Variants in TSPAN32 observed in about 807,000 individuals in gnomAD.
TSPAN32 encodes the protein tetraspanin 32, also known as tetraspanin-32.
Under a neutral mutation model 42.7 loss-of-function variants are expected in TSPAN32, and 47 were observed. The ratio of observed to expected loss-of-function variants is 1.10; its 90% CI spans 0.87 to 1.40. TSPAN32 has a LOEUF of 1.40. Among genes scored for constraint, TSPAN32 ranks in the 40% most tolerant of loss-of-function variants. The probability of loss-of-function intolerance (pLI) is 0.00; values close to 1 mark genes in which losing one functional copy is unlikely to be tolerated. For missense variants in TSPAN32, 469 were observed against 424.1 expected (o/e 1.11, Z -0.93); for synonymous variants, 175 against 175.9 (o/e 0.99, Z 0.04).
chr11:2,317,997 T>A lies in TSPAN32; in HGVS notation c.*73T>A, dbSNP rs1213584225. 25 of 723,718 alleles carry A rather than the reference T, an allele frequency of 3.5e-5. No individual in the cohort carries two copies. The highest frequency in any genetic ancestry group is 5.0e-5 in the Non-Finnish European group (20 of 398,984). 44.8% of individuals were successfully genotyped at this position (723,718 alleles called of 1,614,324 possible). ...CATCTGCCTCCAGGACCATTCAGGC[T>A]GTTGACAAGTCAACTCCTCATGGCT... On this transcript the variant is annotated 3_prime_UTR_variant, in exon 10 of 10. Coordinates refer to ENST00000182290, the MANE Select transcript of TSPAN32 (RefSeq NM_139022.3). The surrounding 1 kb of genome is among the most constrained non-coding windows in gnomAD (Gnocchi z 6.2).
chr11:2,302,754 G>A, intron 1 of TSPAN32, 90 bp from the exon 2 acceptor site: 1 of 1,045,420 alleles, frequency 9.6e-7, no homozygotes, highest in Middle Eastern at 2.1e-4. Flanking sequence ...CCGGGAAGCT[G>A]GAGAGAGCCC....
At chr11:2,316,055 C>G in intron 6 of TSPAN32, 174 bp from the exon 7 acceptor site, 1 of 1,534,210 alleles carries the variant, frequency 6.5e-7, no homozygotes, top group Non-Finnish European at 8.7e-7. Flanking sequence ...TTCACCTGCT[C>G]GTGCTGCCTT....
In TSPAN32 at chr11:2,302,094, G is replaced by A. The variant is rs762904620; in HGVS notation, c.-56G>A. 1.3e-6 allele frequency: 2 copies of A among 1,487,336 alleles called. No individual in the cohort carries two copies. Among genetic ancestry groups the A allele is most frequent in the South Asian group, 1.4e-5 (1 of 69,850 alleles). The allele number at this position is 1,487,336 out of a possible 1,614,324, so 92.1% of individuals were successfully genotyped here. On this transcript the variant is annotated 5_prime_UTR_variant, in exon 1 of 10. Coordinates refer to ENST00000182290, the MANE Select transcript of TSPAN32 (RefSeq NM_139022.3). The stretch of plus-strand genomic sequence containing the variant: ...AGCTGCGGTCTGAGGCCCCTGCCCA[G>A]CTGGAAACCACAGGGAGGGGAAGGG...
In TSPAN32 at chr11:2,317,005, G is replaced by C. The variant is rs1308114400; in HGVS notation, c.719+338G>C. ...ATACCCCAGAGCTCCTCATGCTTAGGGGGCAGGGAGGGTCCAACCCACAGC... is the reference window on the plus strand; with the variant it reads ...ATACCCCAGAGCTCCTCATGCTTAGCGGGCAGGGAGGGTCCAACCCACAGC... On this transcript the variant is annotated intron_variant, in intron 8 of 9. Transcript: ENST00000182290. The surrounding 1 kb of genome is among the most constrained non-coding windows in gnomAD (Gnocchi z 6.2). Among the ~76,000 whole-genome samples the C allele has an allele frequency of 6.6e-6, 1 of 151,934 alleles. No individual in the cohort carries two copies. Among genetic ancestry groups the C allele is most frequent in the East Asian group, 1.9e-4 (1 of 5,166 alleles).
At chr11:2,309,541 C>T (rs1257624235) in intron 4 of TSPAN32, 2 of 354,402 alleles carry the variant, frequency 5.6e-6, no homozygotes, top group African/African-American at 2.1e-5. Flanking sequence ...CGGGCGGCAC[C>T]AGGGACAGCC....
chr11:2,307,425 C>A (rs1048760432), intron 3 of TSPAN32, among the ~76,000 whole-genome samples: 1 of 152,186 alleles, frequency 6.6e-6, no homozygotes, highest in Non-Finnish European at 1.5e-5. Context: ...AGGGGGCTGG[C>A]GTTTCACCGG....
At chr11:2,312,140 T>C (rs1187925995) in intron 4 of TSPAN32, among the ~76,000 whole-genome samples, 6 of 152,204 alleles carry the variant, frequency 3.9e-5, no homozygotes, top group Non-Finnish European at 5.9e-5. Flanking sequence ...GTGGTAATAA[T>C]GACACCTTGC....
chr11:2,316,335 G>T, intron 7 of TSPAN32, 23 bp downstream of exon 7: 1 of 1,578,714 alleles, frequency 6.3e-7, no homozygotes, highest in East Asian at 2.3e-5. Context: ...CTCCCTCACT[G>T]CCCCTTCCCA....
In TSPAN32 at chr11:2,304,725, C is replaced by T. The variant is rs1847976332; in HGVS notation, c.279+521C>T. Among the ~76,000 whole-genome samples, 3 of 152,094 alleles carry T rather than the reference C, an allele frequency of 2.0e-5. No individual in the cohort carries two copies. Among genetic ancestry groups the T allele is most frequent in the South Asian group, 2.1e-4 (1 of 4,830 alleles). The stretch of plus-strand genomic sequence containing the variant: ...GCTGCCGGAGGTGTCTCCCCAGCCC[C>T]GAGGTCCCATAGGCCCCTCCACCCC... On this transcript the variant is annotated intron_variant, in intron 3 of 9. Transcript: ENST00000182290. This position sits in a 1 kb window ranked among gnomAD's most constrained non-coding sequence, Gnocchi z 4.8.
chr11:2,305,870 G>C (rs1848049750), intron 3 of TSPAN32, among the ~76,000 whole-genome samples: 1 of 152,236 alleles, frequency 6.6e-6, no homozygotes, highest in Admixed American at 6.5e-5. Flanking sequence ...TGGATGGTGA[G>C]CTCAGCATGG....
At position 2,317,438 on chromosome 11, in the gene TSPAN32, C is replaced by T. The variant is rs762250888; in HGVS notation, c.814C>T (p.Pro272Ser). ...CLHSEAVAIGPRGCSGSLRWL... is the reference protein window; with the variant it reads ...CLHSEAVAIGSRGCSGSLRWL... The stretch of plus-strand genomic sequence containing the variant: ...CCACTCCGAAGCAGTTGCTATTGGT[C>T]CAAGAGGATGCTCGGGTAGTCTTCG... Residue 272 changes from proline to serine, a missense_variant, in exon 9 of 10, where the codon CCA becomes TCA. Coordinates refer to ENST00000182290, the MANE Select transcript of TSPAN32 (RefSeq NM_139022.3). This position sits in a 1 kb window ranked among gnomAD's most constrained non-coding sequence, Gnocchi z 6.2. 5 of 1,603,952 alleles carry T rather than the reference C, an allele frequency of 3.1e-6. No homozygotes were observed. In the East Asian group the frequency reaches 6.7e-5, roughly 22 times the overall value.
intron 6 of TSPAN32, 57 bp downstream of exon 6, chr11:2,314,628 G>A: frequency 3.5e-6 from 5 of 1,448,572 alleles, no homozygotes. Flanking sequence ...GGACACCCTG[G>A]GGCCCAACCC....
chr11:2,304,167 C>T lies in TSPAN32; in HGVS notation c.242C>T (p.Ala81Val). ...ACTCTGGGAGCCGTGCTGAGCGCTG[C>T]AGCCACCGTGAGGGAGGCCCAGGGC... The part of the protein sequence containing the change: ...LLTLGAVLSA[A>V]ATVREAQGLM... The change falls in exon 3 of 10, where the codon GCA becomes GTA. Residue 81 changes from alanine to valine, a missense_variant. By Grantham distance (64) the Ala-to-Val change is moderately conservative. Coordinates refer to ENST00000182290, the MANE Select transcript of TSPAN32 (RefSeq NM_139022.3). The surrounding 1 kb of genome is among the most constrained non-coding windows in gnomAD (Gnocchi z 4.8). 6.3e-7 allele frequency: 1 copy of T among 1,588,276 alleles called. No homozygotes were observed. Among genetic ancestry groups the T allele is most frequent in the Non-Finnish European group, 8.6e-7 (1 of 1,167,602 alleles).
intron 6 of TSPAN32, 130 bp from the exon 7 acceptor site, chr11:2,316,099 C>T: frequency 6.5e-7 from 1 of 1,526,890 alleles, no homozygotes; most frequent in Non-Finnish European, 8.8e-7. Context: ...TAGGAATGTG[C>T]CGCACCCGCC....
Position 2,316,636 on chromosome 11 carries a change from G to A in TSPAN32, c.688G>A (p.Asp230Asn), listed in dbSNP as rs1280612828. ...WFAIRCGCSLDRKGKYTLTPR... is the reference protein window; with the variant it reads ...WFAIRCGCSLNRKGKYTLTPR... ...TGCCATCCGCTGTGGCTGCAGCTTG[G>A]ACCGCAAGGGCAAATACACCCTGAC... Residue 230 changes from aspartate (D) to asparagine (N), a missense_variant, in exon 8 of 10, where the codon GAC becomes AAC. Transcript: ENST00000182290. The A allele has an allele frequency of 1.9e-6, 3 of 1,542,870 alleles. No individual in the cohort carries two copies. Among genetic ancestry groups the A allele is most frequent in the Non-Finnish European group, 2.6e-6 (3 of 1,142,736 alleles).
At position 2,317,880 on chromosome 11, in the gene TSPAN32, C is replaced by A. The variant is rs762872607; in HGVS notation, c.919C>A (p.Arg307Ser). 11 of 1,496,786 alleles carry A rather than the reference C, an allele frequency of 7.3e-6. No individual in the cohort carries two copies. Among genetic ancestry groups the A allele is most frequent in the Admixed American group, 1.7e-5 (1 of 59,818 alleles). The allele number at this position is 1,496,786 out of a possible 1,614,324, so 92.7% of individuals were successfully genotyped here. Residue 307 changes from arginine to serine, a missense_variant, in exon 10 of 10, where the codon CGC becomes AGC. Transcript: ENST00000182290. This position sits in a 1 kb window ranked among gnomAD's most constrained non-coding sequence, Gnocchi z 6.2. ...AAHRALQGRS[R>S]GGLSGCPERG... ...TCTCGCAGCTCTCCAGGGCAGAAGT[C>A]GCGGTGGGCTCAGTGGGTGCCCTGA...
chr11:2,308,726 C>T lies in TSPAN32; in HGVS notation c.280-10C>T, dbSNP rs775976492. 1.9e-6 allele frequency: 3 copies of T among 1,557,714 alleles called. No individual in the cohort carries two copies. The Admixed American group carries it at 5.6e-5, about 29-fold the overall frequency. ...GCCCTCAACAGTGACCAGCCCCGCT[C>T]TGCCCCCAGGGCTTCCTGTGCTTCT... On this transcript the variant is annotated splice_polypyrimidine_tract_variant and intron_variant, in intron 3 of 9. Transcript: ENST00000182290.
intron 6 of TSPAN32, chr11:2,315,160 T>TACC (rs2133374766): frequency 2.9e-5 from 19 of 646,440 alleles, no homozygotes; most frequent in Middle Eastern, 6.9e-4. Context: ...CCGGCAGCCC[T>TACC]CCCCCAGCCC....
chr11:2,309,697 T>TA (rs1848351693), intron 4 of TSPAN32, among the ~76,000 whole-genome samples: 1 of 152,186 alleles, frequency 6.6e-6, no homozygotes. Flanking sequence ...CCATGAGAGA[T>TA]ACCGAGGCTG....
Sources: allele counts gnomAD v4.1 joint callset (sites outside exome capture counted in the v4.1 genomes callset), GRCh38; gene constraint gnomAD v4.1.1; non-coding constraint Gnocchi (gnomAD v3.1); transcripts MANE v1.5; gene names NCBI Gene and HGNC (gene_info 2026-07-23, HGNC 2026-07-21).